ARHGAP26: variants seen among roughly 807,000 people sequenced by gnomAD.
The protein encoded by ARHGAP26 is Rho GTPase activating protein 26, also known as rho GTPase-activating protein 26.
A neutral mutation model predicts 104.8 loss-of-function variants in ARHGAP26; 38 were observed. The ratio of observed to expected loss-of-function variants is 0.36; its 90% CI spans 0.28 to 0.48. The LOEUF is 0.48. ARHGAP26 is among the 20% of genes least tolerant of loss of function. The pLI is 0.99. For synonymous variants in ARHGAP26, 341 were observed against 340.0 expected (o/e 1.00, Z -0.03); for missense variants, 704 against 947.9 (o/e 0.74, Z 3.38).
At chr5:143,211,728 G>C (rs1245196193) in intron 21 of ARHGAP26, among the ~76,000 whole-genome samples, 1 of 151,468 alleles carries the variant, frequency 6.6e-6, no homozygotes, top group African/African-American at 2.4e-5. Flanking sequence ...CATCATGCCT[G>C]GCTAATTTTT....
chr5:142,956,492 G>T (rs1769261722), intron 11 of ARHGAP26, among the ~76,000 whole-genome samples: 1 of 152,092 alleles, frequency 6.6e-6, no homozygotes, highest in Non-Finnish European at 1.5e-5. Context: ...CGGGAGGATT[G>T]CTTGAACCCA....
At chr5:143,040,581 A>C (rs1435426659) in intron 13 of ARHGAP26, among the ~76,000 whole-genome samples, 1 of 148,710 alleles carries the variant, frequency 6.7e-6, no homozygotes, top group Non-Finnish European at 1.5e-5. Context: ...AAATAATCAA[A>C]TAACAAACAT....
intron 1 of ARHGAP26, among the ~76,000 whole-genome samples, chr5:142,792,117 A>G (rs1337413110): frequency 6.6e-6 from 1 of 152,180 alleles, no homozygotes; most frequent in African/African-American, 2.4e-5. Context: ...CCTCTCATAC[A>G]TTGTTTGCTG....
At chr5:143,208,536 C>T (rs1470168937) in intron 21 of ARHGAP26, among the ~76,000 whole-genome samples, 1 of 152,184 alleles carries the variant, frequency 6.6e-6, no homozygotes, top group African/African-American at 2.4e-5. Flanking sequence ...ATTCTATCCT[C>T]GTGTGAGAAT....
chr5:142,844,051 G>GTT (rs34122289), intron 1 of ARHGAP26, among the ~76,000 whole-genome samples: 3,952 of 132,082 alleles, frequency 0.03, 94 homozygotes, highest in South Asian at 0.08. Context: ...CTAAAAGTGA[G>GTT]TTTTTTTTTT....
intron 1 of ARHGAP26, among the ~76,000 whole-genome samples, chr5:142,851,670 C>G (rs1462268882): frequency 6.6e-6 from 1 of 152,140 alleles, no homozygotes; most frequent in Non-Finnish European, 1.5e-5. Flanking sequence ...CCTTTAGGCC[C>G]TATGTGGCCG....
chr5:143,151,449 GT>G (rs1799829773), intron 20 of ARHGAP26, among the ~76,000 whole-genome samples: 1 of 152,190 alleles, frequency 6.6e-6, no homozygotes, highest in Admixed American at 6.5e-5. Context: ...TGAAATTTAT[GT>G]CTACACAAAA....
intron 20 of ARHGAP26, among the ~76,000 whole-genome samples, chr5:143,161,749 G>A (rs1801264253): frequency 6.6e-6 from 1 of 152,176 alleles, no homozygotes; most frequent in African/African-American, 2.4e-5. Flanking sequence ...TTCAGCTTCT[G>A]TTGTAAGGGT....
At chr5:143,215,991 A>G (rs1018144215) in intron 22 of ARHGAP26, among the ~76,000 whole-genome samples, 3 of 152,316 alleles carry the variant, frequency 2.0e-5, no homozygotes, top group Non-Finnish European at 4.4e-5. Context: ...TTGCAGGGTC[A>G]TATTAATTCC....
chr5:143,142,486 T>C (rs1438574265), intron 19 of ARHGAP26, among the ~76,000 whole-genome samples: 1 of 145,428 alleles, frequency 6.9e-6, no homozygotes, highest in Non-Finnish European at 1.5e-5. Flanking sequence ...CAAACTCCTT[T>C]TTAAGATTTT....
chr5:142,943,111 G>A (rs898193142), intron 11 of ARHGAP26, among the ~76,000 whole-genome samples: 1 of 152,160 alleles, frequency 6.6e-6, no homozygotes, highest in Non-Finnish European at 1.5e-5. Context: ...ATAGGAACAC[G>A]TGTGTTGTTT....
At chr5:142,866,023 TTTTTCTTTTTTC>T (rs971042148) in intron 1 of ARHGAP26, among the ~76,000 whole-genome samples, 3 of 146,926 alleles carry the variant, frequency 2.0e-5, no homozygotes, top group African/African-American at 7.6e-5. Flanking sequence ...CTCCCTGTTC[TTTTTCTTTTTTC>T]TTTTTTTTTT....
intron 1 of ARHGAP26, among the ~76,000 whole-genome samples, chr5:142,790,102 C>T (rs1759496453): frequency 6.6e-6 from 1 of 152,146 alleles, no homozygotes; most frequent in Admixed American, 6.5e-5. Context: ...GATTAAATTC[C>T]AGCCTTATGG....
chr5:142,795,436 G>C (rs1317619643), intron 1 of ARHGAP26, among the ~76,000 whole-genome samples: 1 of 152,146 alleles, frequency 6.6e-6, no homozygotes, highest in Non-Finnish European at 1.5e-5. Context: ...CTCTTTTGGT[G>C]CCTCCTTTTT....
chr5:142,907,915 T>A, intron 9 of ARHGAP26, 111 bp downstream of exon 9: 1 of 638,820 alleles, frequency 1.6e-6, no homozygotes, highest in Non-Finnish European at 2.3e-6. Context: ...CATCATAAAT[T>A]TAAAATTAAT....
intron 14 of ARHGAP26, among the ~76,000 whole-genome samples, chr5:143,053,935 C>T (rs1422484575): frequency 6.6e-6 from 1 of 152,078 alleles, no homozygotes; most frequent in African/African-American, 2.4e-5. Context: ...TATAAATCGG[C>T]GAGGTAATAT....
intron 17 of ARHGAP26, among the ~76,000 whole-genome samples, chr5:143,096,781 A>T (rs1361819137): frequency 6.6e-6 from 1 of 152,050 alleles, no homozygotes; most frequent in Admixed American, 6.6e-5. Context: ...GAAGCATCAC[A>T]GTTCAACTTA....
rs180992742 is a variant in ARHGAP26, at chr5:143,015,251, T to C, written c.1144+1135T>C. On this transcript the variant is annotated intron_variant, in intron 12 of 22. Transcript: ENST00000645722. ...TACCCCACCCTTAATTAGGTAAGAT[T>C]GTTTTAGAACACTTGAAGTCAACTC... Among the ~76,000 whole-genome samples the C allele has an allele frequency of 1.1e-3, 174 of 152,284 alleles. 1 individual carries two copies. In the Middle Eastern group the frequency reaches 0.02, roughly 18 times the overall value.
At chr5:142,993,230 C>T (rs534072628) in intron 11 of ARHGAP26, among the ~76,000 whole-genome samples, 54 of 145,634 alleles carry the variant, frequency 3.7e-4, no homozygotes, top group East Asian at 6.1e-4. Context: ...ACTGCAGTGG[C>T]GCAATCTCGG....
Sources: allele counts gnomAD v4.1 joint callset (sites outside exome capture counted in the v4.1 genomes callset), GRCh38; gene constraint gnomAD v4.1.1; transcripts MANE v1.5; gene names NCBI Gene and HGNC (gene_info 2026-07-23, HGNC 2026-07-21).